Variants in DPP6 observed in about 807,000 individuals in gnomAD.
DPP6 encodes dipeptidyl peptidase like 6, also known as A-type potassium channel modulatory protein DPP6.
In DPP6, 69 loss-of-function variants were observed where a neutral mutation model predicts 122.6. That is an observed-to-expected ratio of 0.56 (90% CI 0.46 to 0.69). DPP6 has a LOEUF of 0.69. Ranked by LOEUF, DPP6 falls within the 30% of genes least tolerant of loss-of-function variation. The pLI, the probability that DPP6 is intolerant of heterozygous loss-of-function variation, is 0.00. For synonymous variants in DPP6, 418 were observed against 433.1 expected (o/e 0.97, Z 0.43); for missense variants, 928 against 1,116.9 (o/e 0.83, Z 2.41).
intron 8 of DPP6, among the ~76,000 whole-genome samples, chr7:154,754,970 C>T (rs950249085): frequency 6.6e-6 from 1 of 151,872 alleles, no homozygotes; most frequent in African/African-American, 2.4e-5. Flanking sequence ...ACACTAGGGC[C>T]TGTCTGTGGG....
At chr7:153,846,873 T>A in the DPP6 span, among the ~76,000 whole-genome samples, 1 of 152,032 alleles carries the variant, frequency 6.6e-6, no homozygotes, top group South Asian at 2.1e-4. Flanking sequence ...CTTTGTATTT[T>A]TTTTTAGTAG....
intron 1 of DPP6, among the ~76,000 whole-genome samples, chr7:153,923,044 G>C (rs936968541): frequency 3.3e-5 from 5 of 152,236 alleles, no homozygotes; most frequent in African/African-American, 1.2e-4. Context: ...GTGATTTGCA[G>C]AAGCAAATGC....
At chr7:154,437,166 A>C (rs1818944098) in intron 1 of DPP6, among the ~76,000 whole-genome samples, 1 of 152,226 alleles carries the variant, frequency 6.6e-6, no homozygotes, top group Admixed American at 6.5e-5. Context: ...AAGATTACTC[A>C]TCAATTGCCT....
intron 1 of DPP6, among the ~76,000 whole-genome samples, chr7:153,972,723 C>G (rs1796083408): frequency 6.6e-6 from 1 of 151,218 alleles, no homozygotes; most frequent in Non-Finnish European, 1.5e-5. Flanking sequence ...AACTGCCAAT[C>G]AAGGCACATG....
intron 1 of DPP6, among the ~76,000 whole-genome samples, chr7:154,434,890 A>G (rs1471442198): frequency 3.3e-5 from 5 of 152,088 alleles, no homozygotes; most frequent in Admixed American, 6.5e-5. Context: ...GCTAAAGTGC[A>G]GTGGTGCAAT....
chr7:153,941,431 C>A (rs948631358), intron 1 of DPP6, among the ~76,000 whole-genome samples: 1 of 152,156 alleles, frequency 6.6e-6, no homozygotes, highest in African/African-American at 2.4e-5. Flanking sequence ...GATTCCTGGG[C>A]CCCTCTGGGG....
chr7:154,656,791 AT>A (rs1837290809), intron 6 of DPP6, among the ~76,000 whole-genome samples: 1 of 127,946 alleles, frequency 7.8e-6, no homozygotes. Flanking sequence ...GGAGGTACTC[AT>A]GTGTGGGTGG....
chr7:154,087,301 A>G (rs1183809830), intron 1 of DPP6, among the ~76,000 whole-genome samples: 1 of 152,110 alleles, frequency 6.6e-6, no homozygotes, highest in African/African-American at 2.4e-5. Context: ...TTTGCAGAGT[A>G]TGGCACAGAT....
At chr7:154,121,272 TC>T (rs1807437178) in intron 1 of DPP6, among the ~76,000 whole-genome samples, 1 of 152,352 alleles carries the variant, frequency 6.6e-6, no homozygotes, top group South Asian at 2.1e-4. Flanking sequence ...GTTATTTACT[TC>T]TGCTCTATTA....
At chr7:154,232,590 C>T (rs995085059) in intron 1 of DPP6, among the ~76,000 whole-genome samples, 2 of 152,158 alleles carry the variant, frequency 1.3e-5, no homozygotes, top group African/African-American at 2.4e-5. Context: ...AACCAATGGC[C>T]CTGTTAGAAA....
chr7:154,332,924 A>T (rs1809080335), intron 1 of DPP6, among the ~76,000 whole-genome samples: 1 of 152,098 alleles, frequency 6.6e-6, no homozygotes, highest in Non-Finnish European at 1.5e-5. Flanking sequence ...CTTGGAAATG[A>T]GATTCTTATC....
chr7:153,781,547 G>T, the DPP6 span, among the ~76,000 whole-genome samples: 1 of 152,180 alleles, frequency 6.6e-6, no homozygotes, highest in African/African-American at 2.4e-5. Context: ...CCATGTGAGA[G>T]ATGTCAGGCA....
At chr7:154,437,081 C>G (rs958545054) in intron 1 of DPP6, among the ~76,000 whole-genome samples, 2 of 152,182 alleles carry the variant, frequency 1.3e-5, no homozygotes, top group East Asian at 1.9e-4. Context: ...ATGTCCGTAT[C>G]CCATTCCCTG....
intron 1 of DPP6, among the ~76,000 whole-genome samples, chr7:154,421,293 C>T (rs1817450557): frequency 6.7e-6 from 1 of 150,280 alleles, no homozygotes; most frequent in African/African-American, 2.5e-5. Context: ...TGATTTTAGA[C>T]AAATAATTTG....
intron 1 of DPP6, among the ~76,000 whole-genome samples, chr7:153,944,162 C>G (rs6464377): frequency 0.95 from 145,412 of 152,328 alleles, 69,447 homozygotes; most frequent in East Asian, 1. Flanking sequence ...TAGCACGCTC[C>G]TTCCAGCACA....
intron 12 of DPP6, among the ~76,000 whole-genome samples, chr7:154,797,636 G>A (rs868080174): frequency 7.2e-5 from 11 of 152,096 alleles, no homozygotes; most frequent in South Asian, 6.2e-4. Context: ...TCCCAAGGCC[G>A]GGGGAGTATG....
At chr7:153,904,569 C>G (rs1799770769) in intron 1 of DPP6, among the ~76,000 whole-genome samples, 1 of 152,164 alleles carries the variant, frequency 6.6e-6, no homozygotes. Flanking sequence ...CTAATCATTT[C>G]TTGAATGATT....
chr7:154,775,438 G>A (rs748643714), intron 10 of DPP6, among the ~76,000 whole-genome samples: 1 of 152,066 alleles, frequency 6.6e-6, no homozygotes, highest in South Asian at 2.1e-4. Context: ...GGTTCAAAAA[G>A]CCAACCACCC....
chr7:153,942,210 G>C (rs567599678), intron 1 of DPP6, among the ~76,000 whole-genome samples: 2 of 152,204 alleles, frequency 1.3e-5, no homozygotes, highest in Non-Finnish European at 2.9e-5. Flanking sequence ...CGCATCTTCT[G>C]TGTGCCAGGC....
Sources: allele counts gnomAD v4.1 joint callset (sites outside exome capture counted in the v4.1 genomes callset), GRCh38; gene constraint gnomAD v4.1.1; transcripts MANE v1.5; gene names NCBI Gene and HGNC (gene_info 2026-07-23, HGNC 2026-07-21).